Variants in CSMD1 observed in about 807,000 individuals in gnomAD.
CSMD1 encodes the protein CUB and sushi domain-containing protein 1.
CSMD1 carries 213 observed loss-of-function variants against 417.5 expected under a neutral mutation model. The observed-to-expected ratio is 0.51, with a 90% CI of 0.46 to 0.57. CSMD1 has a LOEUF of 0.57. CSMD1 is among the 20% of genes least tolerant of loss of function. CSMD1 has a pLI of 0.00. For synonymous variants in CSMD1, 2,862 were observed against 1,736.8 expected (o/e 1.65, Z -16.11); for missense variants, 6,923 against 4,529.7 (o/e 1.53, Z -15.17).
intron 2 of CSMD1, among the ~76,000 whole-genome samples, chr8:4,608,244 T>A (rs1194047593): frequency 6.6e-6 from 1 of 152,190 alleles, no homozygotes; most frequent in African/African-American, 2.4e-5. Context: ...GCTGGAGATT[T>A]ATGACTTGAT....
At chr8:3,263,803 C>A (rs1028110867) in intron 26 of CSMD1, among the ~76,000 whole-genome samples, 2 of 152,148 alleles carry the variant, frequency 1.3e-5, no homozygotes, top group African/African-American at 4.8e-5. Flanking sequence ...CACAAAGACA[C>A]TAATAGTTTT....
chr8:4,848,437 C>G (rs561709181), intron 1 of CSMD1, among the ~76,000 whole-genome samples: 1 of 152,128 alleles, frequency 6.6e-6, no homozygotes, highest in Non-Finnish European at 1.5e-5. Flanking sequence ...AACATTGTAA[C>G]GCAGTGCATT....
intron 10 of CSMD1, among the ~76,000 whole-genome samples, chr8:3,532,973 C>A (rs1424047320): frequency 6.6e-6 from 1 of 152,126 alleles, no homozygotes; most frequent in Non-Finnish European, 1.5e-5. Context: ...CATACAATCA[C>A]CTCATTTTAT....
Position 3,106,541 on chromosome 8 carries a change from G to C in CSMD1, c.6936C>G (p.Leu2312=), listed in dbSNP as rs1306213017. 30 of 1,611,762 alleles carry C rather than the reference G, an allele frequency of 1.9e-5. No individual in the cohort carries two copies. The highest frequency in any genetic ancestry group is 2.5e-5 in the Non-Finnish European group (30 of 1,178,096). Residue 2312 remains leucine (L), a synonymous_variant, in exon 46 of 70, where the codon CTC becomes CTG. Transcript: ENST00000635120. ...AACAGTGCATACCTTCACATGTTGG[G>C]AGAGAACCCTCAAACTGCAACTGGG... The part of the protein sequence containing the change: ...LSSQLQFEGS[L]PTCEAQCPAN...
At chr8:4,647,899 T>G (rs140980681) in intron 1 of CSMD1, among the ~76,000 whole-genome samples, 2,334 of 152,312 alleles carry the variant, frequency 0.015, 30 homozygotes, top group Middle Eastern at 0.079. Flanking sequence ...GTCTTTATAG[T>G]AGAACGATTT....
intron 5 of CSMD1, among the ~76,000 whole-genome samples, chr8:3,760,851 T>C (rs1797955956): frequency 6.6e-6 from 1 of 152,214 alleles, no homozygotes; most frequent in African/African-American, 2.4e-5. Context: ...GGAGAGGCTT[T>C]AAATGATCTC....
At chr8:3,333,197 C>A (rs1014370782) in intron 23 of CSMD1, among the ~76,000 whole-genome samples, 23 of 152,274 alleles carry the variant, frequency 1.5e-4, no homozygotes, top group African/African-American at 5.5e-4. Flanking sequence ...ACAGCCCAGC[C>A]AACACCTGGT....
At chr8:4,780,088 G>C (rs999302984) in intron 1 of CSMD1, among the ~76,000 whole-genome samples, 7 of 152,140 alleles carry the variant, frequency 4.6e-5, no homozygotes, top group African/African-American at 1.7e-4. Context: ...TGTTGAATAT[G>C]ATACACCCGC....
chr8:4,452,236 A>C (rs922254119), intron 2 of CSMD1, among the ~76,000 whole-genome samples: 3 of 152,128 alleles, frequency 2.0e-5, no homozygotes, highest in African/African-American at 7.2e-5. Flanking sequence ...TGATTCCAAC[A>C]ACCCAAACTG....
At chr8:3,846,922 G>A (rs542466795) in intron 5 of CSMD1, among the ~76,000 whole-genome samples, 88 of 152,236 alleles carry the variant, frequency 5.8e-4, no homozygotes, top group African/African-American at 1.7e-3. Flanking sequence ...TGATCCACCC[G>A]CCCTGGCCTC....
At chr8:4,667,772 T>C (rs565484750) in intron 1 of CSMD1, among the ~76,000 whole-genome samples, 2 of 152,352 alleles carry the variant, frequency 1.3e-5, no homozygotes, top group South Asian at 4.1e-4. Flanking sequence ...TTGCTTAGAA[T>C]TTTTCTACAT....
At chr8:4,859,682 G>C (rs1267478277) in intron 1 of CSMD1, among the ~76,000 whole-genome samples, 1 of 152,028 alleles carries the variant, frequency 6.6e-6, no homozygotes, top group Non-Finnish European at 1.5e-5. Flanking sequence ...CTGGCCATCA[G>C]AGAAATGCAA....
rs144365514 is a variant in CSMD1, at chr8:4,454,540, A to G, written c.303-34475T>C. On this transcript the variant is annotated intron_variant, in intron 2 of 69. Transcript: ENST00000635120. ...AGAAAAAGTGTGGTTTCTGATTTCTAATACAGAGCACCTTTGCACAGAGTA... is the reference window on the plus strand; with the variant it reads ...AGAAAAAGTGTGGTTTCTGATTTCTGATACAGAGCACCTTTGCACAGAGTA... Among the ~76,000 whole-genome samples the G allele has an allele frequency of 2.4e-4, 36 of 152,286 alleles. 1 individual carries two copies. In the East Asian group the frequency reaches 4.3e-3, roughly 18 times the overall value.
intron 2 of CSMD1, among the ~76,000 whole-genome samples, chr8:4,578,802 A>G (rs10090483): frequency 0.49 from 64,972 of 133,302 alleles, 15,956 homozygotes; most frequent in Admixed American, 0.54. Context: ...TGACAGAGAT[A>G]GACTCCACCT....
At chr8:4,810,931 T>A (rs925402276) in intron 1 of CSMD1, among the ~76,000 whole-genome samples, 2 of 152,158 alleles carry the variant, frequency 1.3e-5, no homozygotes, top group African/African-American at 4.8e-5. Context: ...AAATATGAGA[T>A]TAAAGAATGG....
intron 2 of CSMD1, among the ~76,000 whole-genome samples, chr8:4,593,363 TA>T (rs1188399756): frequency 1.3e-5 from 2 of 152,222 alleles, no homozygotes; most frequent in Non-Finnish European, 1.5e-5. Context: ...ATTGTCATGA[TA>T]AAAAATTAAG....
At chr8:2,938,914 T>C (rs955664064) in intron 69 of CSMD1, among the ~76,000 whole-genome samples, 170 bp from the exon 70 acceptor site, 3 of 152,170 alleles carry the variant, frequency 2.0e-5, no homozygotes, top group African/African-American at 7.2e-5. Flanking sequence ...TTTGCTTAAA[T>C]TGGTGATTGG....
intron 30 of CSMD1, among the ~76,000 whole-genome samples, chr8:3,212,408 G>A (rs576589570): frequency 6.6e-6 from 1 of 152,088 alleles, no homozygotes; most frequent in African/African-American, 2.4e-5. Context: ...TAGTGCAGTG[G>A]AGCAATCTCG....
At chr8:3,718,370 A>G (rs971942572) in intron 6 of CSMD1, among the ~76,000 whole-genome samples, 5 of 152,164 alleles carry the variant, frequency 3.3e-5, no homozygotes, top group African/African-American at 1.2e-4. Flanking sequence ...TTTAAGAACT[A>G]CATTATCAAA....
Sources: gnomAD v4.1 joint callset for allele counts (sites outside exome capture counted in the v4.1 genomes callset) on GRCh38, gnomAD v4.1.1 for gene constraint, MANE v1.5 for transcripts, NCBI Gene and HGNC (gene_info 2026-07-23, HGNC 2026-07-21) for gene names.